The following MAP4K3 variants were observed in gnomAD, a reference collection of about 807,000 sequenced individuals.
MAP4K3 encodes the protein MAPK/ERK kinase kinase kinase 3.
MAP4K3 carries 94 observed loss-of-function variants against 143.5 expected under a neutral mutation model. The observed-to-expected ratio is 0.65, with a 90% confidence interval of 0.55 to 0.78. The LOEUF (loss-of-function observed/expected upper bound fraction) is 0.78. Among genes scored for constraint, MAP4K3 ranks in the 30% least tolerant of loss-of-function variants. MAP4K3 has a pLI of 0.00. For synonymous variants in MAP4K3, 416 were observed against 347.2 expected (o/e 1.20, Z -2.20); for missense variants, 1,077 against 1,068.1 (o/e 1.01, Z -0.12).
intron 1 of MAP4K3, among the ~76,000 whole-genome samples, chr2:39,396,659 C>G (rs1572486871): frequency 6.6e-6 from 1 of 151,946 alleles, no homozygotes; most frequent in East Asian, 1.9e-4. Flanking sequence ...ATTTTTAGTA[C>G]AGACGGGGTT....
chr2:39,282,494 C>T lies in MAP4K3; in HGVS notation c.1629+19G>A, dbSNP rs1446386885. 4 of 1,601,538 alleles carry T rather than the reference C, an allele frequency of 2.5e-6. No homozygotes were observed. The highest frequency in any genetic ancestry group is 3.4e-6 in the Non-Finnish European group (4 of 1,171,002). On this transcript the variant is annotated intron_variant, in intron 22 of 33. Transcript: ENST00000263881. ...GTGACTTAGCTTGAAACTTAGCCTA[C>T]TCCATATTTAGTACTTACATGCACT...
intron 26 of MAP4K3, 24 bp downstream of exon 26, chr2:39,272,259 T>A (rs1319067752): frequency 6.8e-7 from 1 of 1,478,460 alleles, no homozygotes; most frequent in African/African-American, 1.4e-5. Flanking sequence ...TAATATCATA[T>A]TGCCTCTAAG....
At chr2:39,422,410 G>T (rs1382706003) in intron 1 of MAP4K3, among the ~76,000 whole-genome samples, 1 of 152,124 alleles carries the variant, frequency 6.6e-6, no homozygotes, top group Non-Finnish European at 1.5e-5. Context: ...GAAAGACCAT[G>T]TATAGACACC....
chr2:39,381,414 A>AT (rs1274891543), intron 1 of MAP4K3, among the ~76,000 whole-genome samples: 1 of 152,102 alleles, frequency 6.6e-6, no homozygotes, highest in Non-Finnish European at 1.5e-5. Flanking sequence ...ATTTGCAAGT[A>AT]TTTTCTCCCA....
intron 15 of MAP4K3, among the ~76,000 whole-genome samples, chr2:39,307,591 G>A (rs1682756398): frequency 6.6e-6 from 1 of 151,184 alleles, no homozygotes; most frequent in Non-Finnish European, 1.5e-5. Context: ...ATATATACAT[G>A]TGGATGGGTG....
chr2:39,406,800 T>C (rs114979499), intron 1 of MAP4K3, among the ~76,000 whole-genome samples: 1 of 152,168 alleles, frequency 6.6e-6, no homozygotes, highest in Non-Finnish European at 1.5e-5. Context: ...TAAAACTCAC[T>C]GGTAACAGTA....
intron 3 of MAP4K3, among the ~76,000 whole-genome samples, chr2:39,354,555 T>G (rs915021652): frequency 1.5e-4 from 23 of 151,652 alleles, no homozygotes; most frequent in African/African-American, 5.6e-4. Context: ...GAAGTGGAGG[T>G]TGCAGTGAGC....
intron 2 of MAP4K3, among the ~76,000 whole-genome samples, chr2:39,364,169 A>AC (rs1196697989): frequency 2.6e-5 from 4 of 152,182 alleles, no homozygotes; most frequent in Non-Finnish European, 4.4e-5. Flanking sequence ...GTGGGTATAT[A>AC]CCCCAAAGAA....
At chr2:39,335,146 G>A (rs1159948787) in intron 6 of MAP4K3, among the ~76,000 whole-genome samples, 1 of 152,150 alleles carries the variant, frequency 6.6e-6, no homozygotes, top group African/African-American at 2.4e-5. Flanking sequence ...AGAAATGCAT[G>A]GGTCAGACCA....
At chr2:39,347,805 G>A (rs369314008) in intron 3 of MAP4K3, among the ~76,000 whole-genome samples, 30 of 152,154 alleles carry the variant, frequency 2.0e-4, no homozygotes, top group East Asian at 1.9e-3. Context: ...CTAAAGTCAT[G>A]TTAATCACAA....
chr2:39,261,126 G>C (rs1680551396), intron 28 of MAP4K3: 1 of 184,936 alleles, frequency 5.4e-6, no homozygotes, highest in Non-Finnish European at 1.1e-5. Flanking sequence ...CTCCCAATGT[G>C]ATGCTTCTTC....
In MAP4K3 at chr2:39,292,774, G is replaced by C. The variant is rs1682101737; in HGVS notation, c.1270C>G (p.His424Asp). ...DDEGDDDESK[H>D]STLKAKIPPP... ...ACCAAAAACAGAGACAGAACTTACTGTTTAGATTCATCATCATCTCCTTCA... is the reference window on the plus strand; with the variant it reads ...ACCAAAAACAGAGACAGAACTTACTCTTTAGATTCATCATCATCTCCTTCA... Residue 424 changes from histidine to aspartate, a missense_variant and splice_region_variant, in exon 18 of 34, where the codon CAC (histidine) becomes GAC (aspartate). By Grantham distance (81) the His-to-Asp change is moderately conservative. Around this residue, in one of 2 missense-constraint regions of MAP4K3, gnomAD observed 864 missense variants for 801.2 expected, o/e 1.08. Coordinates refer to ENST00000263881, the MANE Select transcript of MAP4K3 (RefSeq NM_003618.4). The C allele has an allele frequency of 2.5e-6, 4 of 1,612,378 alleles. No homozygotes were observed. The South Asian group carries it at 4.4e-5, about 18-fold the overall frequency.
chr2:39,250,677 C>T lies in MAP4K3; in HGVS notation c.2626G>A (p.Asp876Asn), dbSNP rs1680119485. Reference protein sequence around the residue: ...RVVVLESRPTDNPTANSNLYI... With the variant: ...RVVVLESRPTNNPTANSNLYI... Reference sequence around the variant, plus strand: ...AAATTGCTATTTGCTGTGGGGTTATCAGTTGGCCTACTTTCCAAAACCACG... The same window carrying T: ...AAATTGCTATTTGCTGTGGGGTTATTAGTTGGCCTACTTTCCAAAACCACG... The change falls in exon 34 of 34, where the codon GAT becomes AAT. Residue 876 changes from aspartate (D) to asparagine (N), a missense_variant. Transcript: ENST00000263881. 2 of 1,613,678 alleles carry T rather than the reference C, an allele frequency of 1.2e-6. No homozygotes were observed. Among genetic ancestry groups the T allele is most frequent in the Non-Finnish European group, 1.7e-6 (2 of 1,179,812 alleles).
At chr2:39,403,472 G>C (rs1304684944) in intron 1 of MAP4K3, among the ~76,000 whole-genome samples, 4 of 152,160 alleles carry the variant, frequency 2.6e-5, no homozygotes, top group Non-Finnish European at 4.4e-5. Flanking sequence ...TTGAGGGATG[G>C]AAAGCACAGT....
intron 28 of MAP4K3, 152 bp from the exon 29 acceptor site, chr2:39,260,929 T>A: frequency 1.7e-6 from 1 of 581,406 alleles, no homozygotes. Context: ...GACTCTCTTT[T>A]ATAAACATTT....
At chr2:39,296,599 T>G (rs1348197343) in intron 16 of MAP4K3, among the ~76,000 whole-genome samples, 1 of 152,204 alleles carries the variant, frequency 6.6e-6, no homozygotes, top group Non-Finnish European at 1.5e-5. Context: ...ATATTTGCAT[T>G]AGCTAAAGAA....
chr2:39,398,569 C>T (rs555136838), intron 1 of MAP4K3, among the ~76,000 whole-genome samples: 11 of 151,442 alleles, frequency 7.3e-5, no homozygotes, highest in Admixed American at 3.3e-4. Flanking sequence ...CATTTTGAAA[C>T]GTAAATAAAC....
intron 12 of MAP4K3, among the ~76,000 whole-genome samples, chr2:39,322,675 GT>G (rs1209879285): frequency 2.0e-3 from 271 of 133,488 alleles, no homozygotes; most frequent in African/African-American, 6.3e-3. Flanking sequence ...TCTATTTTTT[GT>G]TTTTTTTTTT....
At chr2:39,324,130 C>T (rs1683409265) in intron 12 of MAP4K3, among the ~76,000 whole-genome samples, 1 of 152,070 alleles carries the variant, frequency 6.6e-6, no homozygotes, top group African/African-American at 2.4e-5. Flanking sequence ...CTTCTTCAGG[C>T]CAGGTGCGGT....
Sources: gnomAD v4.1 joint callset for allele counts (sites outside exome capture counted in the v4.1 genomes callset) on GRCh38, gnomAD v4.1.1 for gene constraint, gnomAD v4.1.1 regional missense constraint, MANE v1.5 for transcripts, NCBI Gene and HGNC (gene_info 2026-07-23, HGNC 2026-07-21) for gene names.